SEMA3A: variants seen among roughly 807,000 people sequenced by gnomAD.
SEMA3A encodes semaphorin-3A.
A neutral mutation model predicts 97.9 loss-of-function variants in SEMA3A; 29 were observed. The observed-to-expected ratio is 0.30, with a 90% CI of 0.22 to 0.40. The LOEUF is 0.40. Ranked by LOEUF, SEMA3A falls within the 10% of genes least tolerant of loss-of-function variation. The pLI, the probability that SEMA3A is intolerant of heterozygous loss-of-function variation, is 1.00. For missense variants in SEMA3A, 763 were observed against 951.3 expected (o/e 0.80, Z 2.60); for synonymous variants, 321 against 323.7 (o/e 0.99, Z 0.09).
chr7:84,425,123 T>G (rs1804761570), intron 1 of SEMA3A, among the ~76,000 whole-genome samples: 1 of 110,048 alleles, frequency 9.1e-6, no homozygotes, highest in South Asian at 2.7e-4. Flanking sequence ...TTTATATAAA[T>G]TATTTATATA....
intron 4 of SEMA3A, among the ~76,000 whole-genome samples, chr7:84,092,179 GTT>G (rs1207996184): frequency 1.3e-5 from 2 of 152,096 alleles, no homozygotes; most frequent in Admixed American, 1.3e-4. Context: ...TGTTAAGCAG[GTT>G]GTGTCATCTC....
chr7:84,368,653 T>A (rs1802906036), intron 2 of SEMA3A, among the ~76,000 whole-genome samples: 1 of 150,858 alleles, frequency 6.6e-6, no homozygotes, highest in Non-Finnish European at 1.5e-5. Context: ...CTTACCTAAA[T>A]GACTAATAGT....
chr7:84,464,864 C>T (rs1053433185), intron 1 of SEMA3A, among the ~76,000 whole-genome samples: 104 of 152,180 alleles, frequency 6.8e-4, no homozygotes, highest in Non-Finnish European at 2.9e-4. Context: ...TTTTCTGAAT[C>T]AGGAGCATGT....
chr7:84,011,833 C>A (rs554659087), intron 7 of SEMA3A, among the ~76,000 whole-genome samples: 2 of 152,120 alleles, frequency 1.3e-5, no homozygotes, highest in East Asian at 3.9e-4. Flanking sequence ...ACATTATATT[C>A]AAAAATCAAC....
rs372935665 is a variant in SEMA3A, at chr7:84,111,626, A to G, written c.334-1037T>C. On this transcript the variant is annotated intron_variant, in intron 3 of 16. Transcript: ENST00000265362. ...CCTAAAATACATTGCCCTAAAAATG[A>G]ATGTGGCCTATTTAAAATAAAATGC... Among the ~76,000 whole-genome samples, 23 of 152,276 alleles carry G rather than the reference A, an allele frequency of 1.5e-4. No individual in the cohort carries two copies. In the East Asian group the frequency reaches 3.9e-3, roughly 26 times the overall value.
In SEMA3A at chr7:84,264,329, T is replaced by A. The variant is rs187686497; in HGVS notation, c.-83+42878A>T. Among the ~76,000 whole-genome samples, 463 of 152,320 alleles carry A rather than the reference T, an allele frequency of 3.0e-3. 3 individuals are homozygous for A. Among genetic ancestry groups the A allele is most frequent in the East Asian group, 0.024 (123 of 5,186 alleles). On this transcript the variant is annotated intron_variant, in intron 3 of 3. Transcript: ENST00000424555. ...TAAAACAAACTACTTGGGGGGCCTATAACAACAATGTGGATAATTCTTTTC... is the reference window on the plus strand; with the variant it reads ...TAAAACAAACTACTTGGGGGGCCTAAAACAACAATGTGGATAATTCTTTTC...
chr7:84,075,389 C>A (rs1793908581), intron 4 of SEMA3A, among the ~76,000 whole-genome samples: 1 of 151,204 alleles, frequency 6.6e-6, no homozygotes. Flanking sequence ...GAACTCCTGA[C>A]CTCAGGTGAT....
intron 2 of SEMA3A, among the ~76,000 whole-genome samples, chr7:84,364,176 T>C (rs377191044): frequency 1.3e-5 from 2 of 151,824 alleles, no homozygotes; most frequent in Admixed American, 6.6e-5. Context: ...CAGTAAATAC[T>C]GATAAACATA....
At chr7:84,399,811 A>G (rs1463824107) in intron 1 of SEMA3A, among the ~76,000 whole-genome samples, 1 of 152,084 alleles carries the variant, frequency 6.6e-6, no homozygotes, top group Non-Finnish European at 1.5e-5. Flanking sequence ...GGCAAGCTAC[A>G]GTAATGTGCT....
rs138727733 is a variant in SEMA3A, at chr7:84,140,643, T to C, written c.113-5692A>G. Among the ~76,000 whole-genome samples the C allele has an allele frequency of 2.0e-3, 309 of 152,224 alleles. 2 individuals carry two copies. Among genetic ancestry groups the C allele is most frequent in the African/African-American group, 7.2e-3 (298 of 41,540 alleles). ...TGGGTCTATATGATGCCAAAACATTTTGGCTAAATGATGACCACATCTAGA... is the reference window on the plus strand; with the variant it reads ...TGGGTCTATATGATGCCAAAACATTCTGGCTAAATGATGACCACATCTAGA... On this transcript the variant is annotated intron_variant, in intron 1 of 16. Transcript: ENST00000265362.
intron 6 of SEMA3A, among the ~76,000 whole-genome samples, chr7:84,038,687 G>T (rs1481853675): frequency 6.6e-6 from 1 of 151,992 alleles, no homozygotes; most frequent in Non-Finnish European, 1.5e-5. Context: ...TAGCAGGAGA[G>T]TCATAAGTGC....
chr7:84,236,314 C>T (rs1799234944), intron 3 of SEMA3A, among the ~76,000 whole-genome samples: 1 of 151,986 alleles, frequency 6.6e-6, no homozygotes, highest in Non-Finnish European at 1.5e-5. Flanking sequence ...GTGTTATTTC[C>T]TTTATGTTCC....
intron 1 of SEMA3A, among the ~76,000 whole-genome samples, chr7:84,145,085 AG>A (rs753252502): frequency 5.8e-4 from 89 of 152,300 alleles, no homozygotes; most frequent in South Asian, 2.1e-3. Flanking sequence ...ATAGTCTCAC[AG>A]ATTAGAATGC....
intron 1 of SEMA3A, among the ~76,000 whole-genome samples, chr7:84,181,082 A>T (rs1012413750): frequency 2.6e-5 from 4 of 152,194 alleles, no homozygotes; most frequent in Admixed American, 2.6e-4. Flanking sequence ...TTGATAAGGT[A>T]ATGGTTAAAT....
intron 1 of SEMA3A, among the ~76,000 whole-genome samples, chr7:84,430,819 G>GTGTGTGTGTGTGTGTGTGTA (rs149621698): frequency 1.5e-4 from 22 of 148,354 alleles, no homozygotes; most frequent in African/African-American, 4.7e-4. Context: ...GTGTGTGTGT[G>GTGTGTGTGTGTGTGTGTGTA]TGTATTTAGA....
chr7:84,149,389 G>A (rs1796559797), intron 1 of SEMA3A, among the ~76,000 whole-genome samples: 1 of 152,134 alleles, frequency 6.6e-6, no homozygotes, highest in Non-Finnish European at 1.5e-5. Context: ...AGCCAGGTTT[G>A]GTTTAAGACC....
chr7:84,377,905 A>T (rs373552115), intron 1 of SEMA3A, among the ~76,000 whole-genome samples: 1 of 152,160 alleles, frequency 6.6e-6, no homozygotes, highest in Non-Finnish European at 1.5e-5. Flanking sequence ...TGAATCATTC[A>T]GTTACTGCTG....
intron 1 of SEMA3A, among the ~76,000 whole-genome samples, chr7:84,482,493 T>C (rs1806472337): frequency 6.6e-6 from 1 of 152,156 alleles, no homozygotes; most frequent in Non-Finnish European, 1.5e-5. Flanking sequence ...AGCTAAAATA[T>C]TCTGAGACTG....
At chr7:84,343,054 T>C (rs569393676) in intron 2 of SEMA3A, among the ~76,000 whole-genome samples, 1 of 152,210 alleles carries the variant, frequency 6.6e-6, no homozygotes, top group Admixed American at 6.5e-5. Context: ...AAGCATACCA[T>C]GTAGGCACTA....
Sources: allele counts gnomAD v4.1 joint callset (sites outside exome capture counted in the v4.1 genomes callset), GRCh38; gene constraint gnomAD v4.1.1; transcripts MANE v1.5; gene names NCBI Gene and HGNC (gene_info 2026-07-23, HGNC 2026-07-21).